ELP3: variants seen among roughly 807,000 people sequenced by gnomAD.
ELP3 encodes the protein elongator complex protein 3.
In ELP3, 56 loss-of-function variants were observed where a neutral mutation model predicts 74.9. The ratio of observed to expected loss-of-function variants is 0.75; its 90% CI spans 0.60 to 0.93. The LOEUF is 0.93. Among genes scored for constraint, ELP3 ranks in the 40% least tolerant of loss-of-function variants. The pLI is 0.00. For missense variants in ELP3, 573 were observed against 686.5 expected (o/e 0.83, Z 1.85); for synonymous variants, 222 against 239.8 (o/e 0.93, Z 0.68).
intron 14 of ELP3, among the ~76,000 whole-genome samples, chr8:28,177,541 CT>C (rs1385316789): frequency 6.6e-6 from 1 of 152,136 alleles, no homozygotes; most frequent in Non-Finnish European, 1.5e-5. Flanking sequence ...TCACTGATTT[CT>C]TTTAATTAAA....
chr8:28,115,567 A>AT (rs1426401215), intron 7 of ELP3, among the ~76,000 whole-genome samples: 1 of 152,176 alleles, frequency 6.6e-6, no homozygotes, highest in Non-Finnish European at 1.5e-5. Context: ...GGTGTTTAAT[A>AT]TTCACTTATT....
intron 11 of ELP3, 76 bp downstream of exon 11, chr8:28,156,108 A>G (rs907545576): frequency 3.8e-5 from 46 of 1,204,346 alleles, no homozygotes; most frequent in South Asian, 3.3e-4. Flanking sequence ...CTTTGCCACT[A>G]CCACCCCTAA....
chr8:28,092,348 C>A (rs997747436), upstream of ELP3, among the ~76,000 whole-genome samples: 10 of 152,150 alleles, frequency 6.6e-5, no homozygotes, highest in Non-Finnish European at 8.8e-5. Context: ...CCTGCCTTAG[C>A]CTCCCAAGTA....
chr8:28,099,412 A>G (rs1305507986), intron 2 of ELP3, among the ~76,000 whole-genome samples: 3 of 152,208 alleles, frequency 2.0e-5, no homozygotes, highest in African/African-American at 4.8e-5. Context: ...CTGGTAGTAC[A>G]TAGAGACCAA....
intron 1 of ELP3, 193 bp downstream of exon 1, chr8:28,093,426 A>C (rs1585621418): frequency 1.5e-6 from 1 of 669,302 alleles, no homozygotes. Context: ...GAAGCACCCT[A>C]CCCTTCCTCT....
At chr8:28,126,214 G>A (rs1351689217) in intron 7 of ELP3, among the ~76,000 whole-genome samples, 2 of 152,148 alleles carry the variant, frequency 1.3e-5, no homozygotes, top group Non-Finnish European at 2.9e-5. Context: ...GGGGTTCTGG[G>A]AAGATGTCAT....
intron 3 of ELP3, among the ~76,000 whole-genome samples, chr8:28,100,967 C>A (rs1811456641): frequency 6.6e-6 from 1 of 152,174 alleles, no homozygotes; most frequent in South Asian, 2.1e-4. Flanking sequence ...ATATTCCAGG[C>A]AGCTTGTGTT....
In ELP3 at chr8:28,103,023, A is replaced by T. The variant is rs145283594; in HGVS notation, c.258+3057A>T. Among the ~76,000 whole-genome samples the T allele has an allele frequency of 2.6e-3, 398 of 152,090 alleles. 2 individuals carry two copies. The highest frequency in any genetic ancestry group is 9.1e-3 in the African/African-American group (378 of 41,476). On this transcript the variant is annotated intron_variant, in intron 3 of 14. Coordinates refer to ENST00000256398, the MANE Select transcript of ELP3 (RefSeq NM_018091.6). ...TGTCTCTACTAAAAATACAAAAATTAGCCGGGCATGGTGGCGGGCGCCTGT... is the reference window on the plus strand; with the variant it reads ...TGTCTCTACTAAAAATACAAAAATTTGCCGGGCATGGTGGCGGGCGCCTGT...
intron 5 of ELP3, among the ~76,000 whole-genome samples, chr8:28,108,256 A>G (rs1372728805): frequency 1.3e-5 from 2 of 152,150 alleles, no homozygotes; most frequent in African/African-American, 4.8e-5. Context: ...CAGTGTTTTG[A>G]AGATAGACAC....
rs1815406082 is a variant in ELP3 at position 28,190,195 on chromosome 8, T to TTGGAGC, written c.*471_*476dup. Reference sequence around the variant, plus strand: ...TCTCAGCCCTTTAACGACATACGCATTGGAGCGCAAGTTAGGAAAATGAGC... The same window carrying TTGGAGC: ...TCTCAGCCCTTTAACGACATACGCATTGGAGCTGGAGCGCAAGTTAGGAAAATGAGC... On this transcript the variant is annotated 3_prime_UTR_variant, in exon 15 of 15. Coordinates refer to ENST00000256398, the MANE Select transcript of ELP3 (RefSeq NM_018091.6). 1 of 154,112 alleles carries TTGGAGC rather than the reference T, an allele frequency of 6.5e-6. No individual in the cohort carries two copies. The highest frequency in any genetic ancestry group is 6.5e-5 in the Admixed American group (1 of 15,476). The allele number at this position is 154,112 out of a possible 1,614,324, so 9.5% of individuals were successfully genotyped here.
At chr8:28,138,615 AG>A (rs1813092110) in intron 10 of ELP3, among the ~76,000 whole-genome samples, 1 of 152,230 alleles carries the variant, frequency 6.6e-6, no homozygotes, top group Non-Finnish European at 1.5e-5. Flanking sequence ...GGCCAGAAGG[AG>A]ACTGCAAATG....
At chr8:28,112,348 G>T (rs1158511226) in intron 6 of ELP3, 1 of 152,210 alleles carries the variant, frequency 6.6e-6, no homozygotes, top group Non-Finnish European at 1.5e-5. Flanking sequence ...GGCCAGGCTG[G>T]TCTCGAACTC....
At chr8:28,180,014 C>T (rs887454711) in intron 14 of ELP3, among the ~76,000 whole-genome samples, 7 of 152,134 alleles carry the variant, frequency 4.6e-5, no homozygotes, top group Non-Finnish European at 8.8e-5. Context: ...TGAGGATATT[C>T]CCTCAGGCTA....
intron 3 of ELP3, among the ~76,000 whole-genome samples, chr8:28,100,877 C>G (rs951325519): frequency 3.9e-4 from 60 of 152,170 alleles, no homozygotes; most frequent in African/African-American, 1.4e-3. Context: ...TTAAGACCCT[C>G]CTACCATATG....
At chr8:28,142,490 A>G (rs1310443939) in intron 10 of ELP3, among the ~76,000 whole-genome samples, 2 of 152,250 alleles carry the variant, frequency 1.3e-5, no homozygotes, top group Non-Finnish European at 1.5e-5. Flanking sequence ...CTTACTTCAC[A>G]CATAGGTGGG....
At chr8:28,133,633 C>T (rs928113179) in intron 9 of ELP3, among the ~76,000 whole-genome samples, 33 of 152,138 alleles carry the variant, frequency 2.2e-4, no homozygotes, top group African/African-American at 4.1e-4. Flanking sequence ...AAGATGATGA[C>T]GATATTTATC....
chr8:28,154,378 T>G (rs945320977), intron 10 of ELP3, among the ~76,000 whole-genome samples: 9 of 152,198 alleles, frequency 5.9e-5, no homozygotes, highest in Non-Finnish European at 1.3e-4. Flanking sequence ...ATTAAATGTA[T>G]TTGTCATGTA....
intron 10 of ELP3, among the ~76,000 whole-genome samples, chr8:28,142,044 A>T (rs1048043026): frequency 6.6e-6 from 1 of 152,222 alleles, no homozygotes; most frequent in Non-Finnish European, 1.5e-5. Flanking sequence ...TTGCTATACT[A>T]TTAAATGCTT....
chr8:28,166,191 C>T (rs351765), intron 14 of ELP3, among the ~76,000 whole-genome samples: 86,849 of 152,048 alleles, frequency 0.57, 26,125 homozygotes, highest in East Asian at 0.92. Context: ...CCTGCGTGAA[C>T]GTTCGTGTTG....
Sources: allele counts gnomAD v4.1 joint callset (sites outside exome capture counted in the v4.1 genomes callset), GRCh38; gene constraint gnomAD v4.1.1; transcripts MANE v1.5; gene names NCBI Gene and HGNC (gene_info 2026-07-23, HGNC 2026-07-21).